CNTN3: variants seen among roughly 807,000 people sequenced by gnomAD.
The protein encoded by CNTN3 is contactin-3.
Under a neutral mutation model 119.1 loss-of-function variants are expected in CNTN3, and 60 were observed. The ratio of observed to expected loss-of-function variants is 0.50; its 90% CI spans 0.41 to 0.62. The LOEUF is 0.62. Ranked by LOEUF, CNTN3 falls within the 20% of genes least tolerant of loss-of-function variation. The pLI, the probability that CNTN3 is intolerant of heterozygous loss-of-function variation, is 0.00. For missense variants in CNTN3, 1,101 were observed against 1,242.4 expected (o/e 0.89, Z 1.71); for synonymous variants, 450 against 438.7 (o/e 1.03, Z -0.32).
intron 11 of CNTN3, among the ~76,000 whole-genome samples, chr3:74,340,913 C>T (rs928978761): frequency 1.3e-5 from 2 of 152,106 alleles, no homozygotes; most frequent in African/African-American, 4.8e-5. Context: ...AGTGTAACAG[C>T]TAAGTTTCCA....
chr3:74,373,373 C>A (rs985832186), intron 5 of CNTN3, among the ~76,000 whole-genome samples: 2 of 152,208 alleles, frequency 1.3e-5, no homozygotes, highest in Non-Finnish European at 2.9e-5. Flanking sequence ...AGCAATCTTT[C>A]TCTGCTTTCC....
intron 1 of CNTN3, among the ~76,000 whole-genome samples, chr3:74,580,905 TG>T (rs1704494790): frequency 6.6e-6 from 1 of 152,126 alleles, no homozygotes; most frequent in Non-Finnish European, 1.5e-5. Flanking sequence ...TTTTTGCAGA[TG>T]GGGTCTTGCC....
chr3:74,517,947 T>C lies in CNTN3; in HGVS notation c.55+3111A>G, dbSNP rs376967845. The stretch of plus-strand genomic sequence containing the variant: ...TCAGGGGTATTTAAAAACACTTTTA[T>C]GTGATGAGTACTTTAAGACAGCTTA... On this transcript the variant is annotated intron_variant, in intron 2 of 22. Coordinates refer to ENST00000263665, the MANE Select transcript of CNTN3 (RefSeq NM_020872.3). 3.3e-5 allele frequency among the ~76,000 whole-genome samples: 5 copies of C among 152,118 alleles called. No homozygotes were observed. The East Asian group carries it at 7.8e-4, about 24-fold the overall frequency.
chr3:74,536,144 G>A (rs1245446110), intron 1 of CNTN3, among the ~76,000 whole-genome samples: 1 of 151,918 alleles, frequency 6.6e-6, no homozygotes, highest in African/African-American at 2.4e-5. Flanking sequence ...TTTTATTTAC[G>A]GAGATGGTCC....
chr3:74,288,819 C>T (rs1030316352), intron 19 of CNTN3, among the ~76,000 whole-genome samples: 1 of 152,180 alleles, frequency 6.6e-6, no homozygotes, highest in Non-Finnish European at 1.5e-5. Context: ...CTCTCTTCAT[C>T]ATGTCTGTAT....
intron 1 of CNTN3, among the ~76,000 whole-genome samples, chr3:74,585,665 C>G (rs1277150826): frequency 6.6e-6 from 1 of 152,040 alleles, no homozygotes; most frequent in Admixed American, 6.6e-5. Context: ...TATATATACA[C>G]TTTTAGGCAC....
chr3:74,588,185 C>A (rs1005586053), intron 1 of CNTN3, among the ~76,000 whole-genome samples: 1 of 151,910 alleles, frequency 6.6e-6, no homozygotes, highest in Non-Finnish European at 1.5e-5. Flanking sequence ...TTCGGTTTGC[C>A]AGTATTTTAT....
intron 4 of CNTN3, among the ~76,000 whole-genome samples, chr3:74,450,168 G>T (rs1032837648): frequency 6.6e-6 from 1 of 152,014 alleles, no homozygotes; most frequent in Admixed American, 6.6e-5. Flanking sequence ...TAGTAGGAAA[G>T]AATTTATATT....
intron 2 of CNTN3, among the ~76,000 whole-genome samples, chr3:74,518,784 C>T (rs1395406065): frequency 6.6e-6 from 1 of 151,888 alleles, no homozygotes; most frequent in Non-Finnish European, 1.5e-5. Flanking sequence ...TGGAAGAATG[C>T]TATGATTGAA....
intron 20 of CNTN3, among the ~76,000 whole-genome samples, chr3:74,274,778 C>T (rs1361170506): frequency 2.6e-5 from 4 of 152,036 alleles, no homozygotes; most frequent in Admixed American, 2.0e-4. Flanking sequence ...TACTAGCTCA[C>T]CAGCAATGGA....
At chr3:74,510,252 CAATAT>C (rs1388977465) in intron 2 of CNTN3, among the ~76,000 whole-genome samples, 2 of 60,514 alleles carry the variant, frequency 3.3e-5, no homozygotes, top group Admixed American at 1.5e-4. Context: ...AACTATAACA[CAATAT>C]ATTATATAAA....
chr3:74,399,833 C>A (rs1293673691), intron 5 of CNTN3, among the ~76,000 whole-genome samples: 2 of 152,154 alleles, frequency 1.3e-5, no homozygotes, highest in Non-Finnish European at 2.9e-5. Context: ...CTTCCTCCTG[C>A]CCTTCCCAGC....
chr3:74,344,958 T>G (rs573620664), intron 11 of CNTN3, among the ~76,000 whole-genome samples: 1 of 152,138 alleles, frequency 6.6e-6, no homozygotes, highest in African/African-American at 2.4e-5. Flanking sequence ...GGGCCTCAGG[T>G]TAAGAACCTC....
chr3:74,395,933 CA>C (rs1705039391), intron 5 of CNTN3, among the ~76,000 whole-genome samples: 1 of 152,104 alleles, frequency 6.6e-6, no homozygotes, highest in South Asian at 2.1e-4. Context: ...AATCTGTTAT[CA>C]GTGATCTTTG....
chr3:74,490,570 A>C (rs1447861190), intron 3 of CNTN3, among the ~76,000 whole-genome samples: 1 of 152,206 alleles, frequency 6.6e-6, no homozygotes, highest in South Asian at 2.1e-4. Flanking sequence ...AAGATTTAAG[A>C]AACCATAAAG....
At chr3:74,411,860 G>A (rs1275037262) in intron 5 of CNTN3, among the ~76,000 whole-genome samples, 1 of 152,150 alleles carries the variant, frequency 6.6e-6, no homozygotes, top group African/African-American at 2.4e-5. Context: ...GACAGAATGT[G>A]GCAGGCTGTA....
chr3:74,591,057 T>C (rs1377732511), intron 1 of CNTN3, among the ~76,000 whole-genome samples: 2 of 151,984 alleles, frequency 1.3e-5, no homozygotes, highest in South Asian at 2.1e-4. Context: ...GATGCAAGCA[T>C]TGGCAACCTC....
chr3:74,474,650 T>C (rs541025221), intron 4 of CNTN3, among the ~76,000 whole-genome samples: 1 of 152,186 alleles, frequency 6.6e-6, no homozygotes, highest in Non-Finnish European at 1.5e-5. Context: ...TAAGCCACCG[T>C]GCCCAACTGA....
At chr3:74,459,754 C>G (rs1167581559) in intron 4 of CNTN3, among the ~76,000 whole-genome samples, 1 of 151,962 alleles carries the variant, frequency 6.6e-6, no homozygotes, top group Non-Finnish European at 1.5e-5. Context: ...CCCAAATACC[C>G]ACAAACAAGG....
Sources: gnomAD v4.1 joint callset for allele counts (sites outside exome capture counted in the v4.1 genomes callset) on GRCh38, gnomAD v4.1.1 for gene constraint, MANE v1.5 for transcripts, NCBI Gene and HGNC (gene_info 2026-07-23, HGNC 2026-07-21) for gene names.